Variants in MTCL2 observed in about 807,000 individuals in gnomAD.
MTCL2 encodes microtubule crosslinking factor 2, also known as microtubule cross-linking factor 2.
the MTCL2 span, among the ~76,000 whole-genome samples, chr20:36,828,287 T>C: frequency 6.6e-6 from 1 of 152,196 alleles, no homozygotes; most frequent in African/African-American, 2.4e-5. Context: ...GCCGGCATTC[T>C]GCAGAACCCC....
At chr20:36,846,290 G>A in the MTCL2 span, among the ~76,000 whole-genome samples, 86 of 151,830 alleles carry the variant, frequency 5.7e-4, no homozygotes, top group African/African-American at 2.0e-3. Flanking sequence ...CACAGTGCCT[G>A]GTAGTGCCCA....
At chr20:36,816,111 G>T in the MTCL2 span, 1 of 1,613,568 alleles carries the variant, frequency 6.2e-7, no homozygotes, top group Non-Finnish European at 8.5e-7. Context: ...CTTCAGCTCG[G>T]TCTCCCGCGA....
the MTCL2 span, among the ~76,000 whole-genome samples, chr20:36,844,482 T>C: frequency 6.6e-6 from 1 of 151,652 alleles, no homozygotes; most frequent in Non-Finnish European, 1.5e-5. Context: ...ATGGCTATCA[T>C]TGGCCAGGTG....
At chr20:36,782,292 G>C in the MTCL2 span, 4 of 152,178 alleles carry the variant, frequency 2.6e-5, no homozygotes, top group African/African-American at 9.7e-5. Flanking sequence ...TTTATGCCTG[G>C]GTTGGCCAGC....
the MTCL2 span, among the ~76,000 whole-genome samples, chr20:36,851,756 C>T: frequency 3.2e-4 from 48 of 152,206 alleles, no homozygotes; most frequent in Non-Finnish European, 6.8e-4. Context: ...ATGTCAGTCT[C>T]TACCACCAGG....
chr20:36,815,010 T>C, the MTCL2 span: 1 of 1,008,810 alleles, frequency 9.9e-7, no homozygotes, highest in Non-Finnish European at 1.4e-6. This position sits in a 1 kb window ranked among gnomAD's most constrained non-coding sequence, Gnocchi z 5.3. Context: ...TGCAGTGAAC[T>C]GAGATTGCAC....
At chr20:36,815,175 C>T in the MTCL2 span, 1 of 1,612,996 alleles carries the variant, frequency 6.2e-7, no homozygotes, top group Non-Finnish European at 8.5e-7. The surrounding 1 kb of genome is among the most constrained non-coding windows in gnomAD (Gnocchi z 5.3). Flanking sequence ...CTTAGAGAGC[C>T]CCTGGGAGCC....
the MTCL2 span, chr20:36,810,148 G>C: frequency 6.4e-7 from 1 of 1,554,378 alleles, no homozygotes; most frequent in Non-Finnish European, 8.7e-7. Context: ...AGGAGGGAGA[G>C]AGAGGAAGAA....
the MTCL2 span, among the ~76,000 whole-genome samples, chr20:36,810,723 T>C: frequency 2.2e-5 from 3 of 139,328 alleles, no homozygotes; most frequent in East Asian, 6.6e-4. Context: ...TCTCCCTCTC[T>C]CTCTCTCTCT....
At chr20:36,806,965 G>A in the MTCL2 span, among the ~76,000 whole-genome samples, 2 of 152,196 alleles carry the variant, frequency 1.3e-5, no homozygotes, top group Non-Finnish European at 2.9e-5. Context: ...AGACTGTGTG[G>A]CCTGCAGGTC....
At chr20:36,837,345 T>G in the MTCL2 span, among the ~76,000 whole-genome samples, 3 of 138,418 alleles carry the variant, frequency 2.2e-5, no homozygotes, top group South Asian at 2.5e-4. Flanking sequence ...CCACCCACCC[T>G]TCCCCTGCTT....
the MTCL2 span, chr20:36,862,629 GACCT>G: frequency 6.8e-7 from 1 of 1,481,464 alleles, no homozygotes; most frequent in Non-Finnish European, 8.9e-7. Flanking sequence ...CGACCCCTGC[GACCT>G]CCCTTTCTAC....
At chr20:36,832,211 C>T in the MTCL2 span, among the ~76,000 whole-genome samples, 1 of 152,158 alleles carries the variant, frequency 6.6e-6, no homozygotes, top group Non-Finnish European at 1.5e-5. Flanking sequence ...GAAGAGGCTG[C>T]CCTCAAATGC....
At chr20:36,863,061 A>G in the MTCL2 span, 1 of 1,404,418 alleles carries the variant, frequency 7.1e-7, no homozygotes, top group Admixed American at 2.7e-5. The surrounding 1 kb of genome is among the most constrained non-coding windows in gnomAD (Gnocchi z 6.2). Flanking sequence ...CTTGGCACGG[A>G]CCCCGGTGCG....
At chr20:36,815,033 GC>G in the MTCL2 span, 1 of 1,287,772 alleles carries the variant, frequency 7.8e-7, no homozygotes, top group East Asian at 2.3e-5. The surrounding 1 kb of genome is among the most constrained non-coding windows in gnomAD (Gnocchi z 5.3). Flanking sequence ...CTGCACTTCA[GC>G]CTGGCCAGCG....
At chr20:36,841,882 T>TGGGTGTGG in the MTCL2 span, among the ~76,000 whole-genome samples, 5 of 141,546 alleles carry the variant, frequency 3.5e-5, no homozygotes, top group East Asian at 8.2e-4. Context: ...GGGGTGTGTG[T>TGGGTGTGG]GTGTGTGTGT....
the MTCL2 span, among the ~76,000 whole-genome samples, chr20:36,790,060 C>T: frequency 1.3e-5 from 2 of 148,258 alleles, no homozygotes; most frequent in East Asian, 4.0e-4. Flanking sequence ...GGCGCGATCT[C>T]GGCTCACTGC....
At chr20:36,828,763 C>T in the MTCL2 span, 53 of 358,430 alleles carry the variant, frequency 1.5e-4, no homozygotes, top group African/African-American at 8.7e-4. Context: ...CCTCCCACAG[C>T]GGCTGTGGTT....
At chr20:36,833,344 C>T in the MTCL2 span, among the ~76,000 whole-genome samples, 2 of 152,252 alleles carry the variant, frequency 1.3e-5, no homozygotes, top group Non-Finnish European at 2.9e-5. Context: ...CTAAGGGAGG[C>T]GCGGCAGCTG....
Sources: gnomAD v4.1 joint callset for allele counts (sites outside exome capture counted in the v4.1 genomes callset) on GRCh38, gnomAD v4.1.1 for gene constraint, Gnocchi (gnomAD v3.1) non-coding constraint, MANE v1.5 for transcripts, NCBI Gene and HGNC (gene_info 2026-07-23, HGNC 2026-07-21) for gene names.